The following VCAN variants were observed in gnomAD, a reference collection of about 807,000 sequenced individuals.
The protein encoded by VCAN is versican.
A neutral mutation model predicts 245.5 loss-of-function variants in VCAN; 44 were observed. That is an observed-to-expected ratio of 0.18 (90% confidence interval 0.14 to 0.23). VCAN has a LOEUF of 0.23. VCAN is among the 10% of genes least tolerant of loss of function. VCAN has a pLI of 1.00. For synonymous variants in VCAN, 1,413 were observed against 1,437.0 expected (o/e 0.98, Z 0.38); for missense variants, 3,793 against 4,057.9 (o/e 0.93, Z 1.77).
In VCAN at chr5:83,581,759, C is replaced by T. The variant is rs1361838277; in HGVS notation, c.*1325C>T. On this transcript the variant is annotated 3_prime_UTR_variant, in exon 15 of 15. Transcript: ENST00000265077. ...GTTGACATTTCTCCCCATCTCTTCC[C>T]ACTCTGTTTTCTCCCCATTATTTGA... 1 of 152,120 alleles carries T rather than the reference C, an allele frequency of 6.6e-6. No homozygotes were observed. The highest frequency in any genetic ancestry group is 1.5e-5 in the Non-Finnish European group (1 of 68,020). The allele number at this position is 152,120 out of a possible 1,614,324, so 9.4% of individuals were successfully genotyped here.
chr5:83,514,800 G>GACTT (rs929673229), intron 6 of VCAN, among the ~76,000 whole-genome samples: 3 of 152,062 alleles, frequency 2.0e-5, no homozygotes, highest in Middle Eastern at 3.2e-3. Flanking sequence ...TTTTCAAAAT[G>GACTT]ACTTAATTGA....
intron 7 of VCAN, among the ~76,000 whole-genome samples, chr5:83,534,331 A>G (rs1204318310): frequency 6.6e-6 from 1 of 152,212 alleles, no homozygotes; most frequent in East Asian, 1.9e-4. Flanking sequence ...AATATTAATC[A>G]GATATTTCCT....
chr5:83,550,051 A>G (rs1258750946), intron 10 of VCAN, among the ~76,000 whole-genome samples: 2 of 152,222 alleles, frequency 1.3e-5, no homozygotes, highest in Non-Finnish European at 2.9e-5. Flanking sequence ...TACAGATACA[A>G]AATCTAGAAA....
chr5:83,530,452 T>C (rs1396263295), intron 7 of VCAN, among the ~76,000 whole-genome samples: 2 of 152,078 alleles, frequency 1.3e-5, no homozygotes, highest in African/African-American at 2.4e-5. Flanking sequence ...GTCCAGACAG[T>C]GTTCAGAACT....
intron 12 of VCAN, among the ~76,000 whole-genome samples, 181 bp from the exon 13 acceptor site, chr5:83,572,235 G>C (rs1192173789): frequency 2.0e-5 from 3 of 152,118 alleles, no homozygotes; most frequent in Non-Finnish European, 4.4e-5. Flanking sequence ...AAGACTTTGA[G>C]ACACATATAT....
intron 12 of VCAN, among the ~76,000 whole-genome samples, chr5:83,557,270 G>A (rs1282964336): frequency 6.6e-6 from 1 of 152,082 alleles, no homozygotes; most frequent in East Asian, 1.9e-4. Context: ...TTTGATGTGT[G>A]TGTTTTTATT....
Position 83,471,931 on chromosome 5 carries a change from G to C in VCAN, c.-99G>C, listed in dbSNP as rs1173371577. ...TCCGCATCCTTCCCCGGGCCACCAC[G>C]CTTCCTATGTGACCCGCCTGGGCAA... On this transcript the variant is annotated 5_prime_UTR_variant, in exon 1 of 15. Transcript: ENST00000265077. 5.1e-6 allele frequency: 2 copies of C among 392,956 alleles called. No homozygotes were observed. Among genetic ancestry groups the C allele is most frequent in the Non-Finnish European group, 9.0e-6 (2 of 223,104 alleles). 24.3% of individuals were successfully genotyped at this position (392,956 alleles called of 1,614,324 possible).
At position 83,520,374 on chromosome 5, in the gene VCAN, C is replaced by T; in HGVS notation, c.2068C>T (p.Leu690=). 1.2e-6 allele frequency: 2 copies of T among 1,612,470 alleles called. No homozygotes were observed. Among genetic ancestry groups the T allele is most frequent in the Non-Finnish European group, 1.7e-6 (2 of 1,179,452 alleles). The part of the protein sequence containing the change: ...MTHRRERTET[L]IPEMRTDTYT... ...ACATAGAAGAGAAAGAACAGAAACA[C>T]TAATACCAGAGATGAGAACAGATAC... The change falls in exon 7 of 15, where the codon CTA becomes TTA. Residue 690 remains leucine, a synonymous_variant. Coordinates refer to ENST00000265077, the MANE Select transcript of VCAN (RefSeq NM_004385.5).
intron 12 of VCAN, among the ~76,000 whole-genome samples, chr5:83,558,603 A>G (rs992381377): frequency 5.3e-5 from 8 of 152,290 alleles, no homozygotes; most frequent in Admixed American, 1.3e-4. Flanking sequence ...CATTTTACTC[A>G]AATAATTAAA....
chr5:83,494,540 C>T (rs1478616568), intron 5 of VCAN, among the ~76,000 whole-genome samples: 2 of 152,196 alleles, frequency 1.3e-5, no homozygotes, highest in Admixed American at 6.5e-5. Flanking sequence ...CCTTTCAAGT[C>T]GCTTACAGTC....
chr5:83,542,020 C>A lies in VCAN; in HGVS notation c.9017C>A (p.Ser3006Tyr), dbSNP rs1212054791. The A allele has an allele frequency of 6.2e-7, 1 of 1,610,192 alleles. No homozygotes were observed. Among genetic ancestry groups the A allele is most frequent in the Admixed American group, 1.7e-5 (1 of 59,754 alleles). Residue 3006 changes from serine (S) to tyrosine (Y), a missense_variant, in exon 8 of 15, where the codon TCT becomes TAT. By Grantham distance (144) the Ser-to-Tyr change is moderately radical. Coordinates refer to ENST00000265077, the MANE Select transcript of VCAN (RefSeq NM_004385.5). ...PQTSERPTLSSSPEINPETQA... is the reference protein window; with the variant it reads ...PQTSERPTLSYSPEINPETQA... ...ACTTCTGAGAGGCCCACGCTTTCTT[C>A]TTCTCCAGAAATAAACCCTGAAACT...
chr5:83,534,128 A>G (rs922816211), intron 7 of VCAN: 4 of 151,660 alleles, frequency 2.6e-5, no homozygotes, highest in African/African-American at 9.7e-5. Flanking sequence ...GCTTTTCTCC[A>G]CCCCACTTTT....
At chr5:83,566,784 A>T (rs1748093158) in intron 12 of VCAN, among the ~76,000 whole-genome samples, 1 of 152,224 alleles carries the variant, frequency 6.6e-6, no homozygotes, top group Non-Finnish European at 1.5e-5. Flanking sequence ...CTGCAGGATG[A>T]GTCTTCTCTT....
At chr5:83,494,032 C>A (rs1745075805) in intron 5 of VCAN, 101 bp downstream of exon 5, 1 of 1,583,682 alleles carries the variant, frequency 6.3e-7, no homozygotes, top group Admixed American at 1.7e-5. Context: ...TGTTTGGATT[C>A]CAAACGGTGG....
intron 7 of VCAN, among the ~76,000 whole-genome samples, chr5:83,523,502 G>T (rs1746179144): frequency 6.6e-6 from 1 of 150,886 alleles, no homozygotes; most frequent in Non-Finnish European, 1.5e-5. Flanking sequence ...CCTCATTAGA[G>T]TGCTCAGGAG....
At position 83,537,969 on chromosome 5, in the gene VCAN, G is replaced by A; in HGVS notation, c.4966G>A (p.Val1656Ile). 6.2e-7 allele frequency: 1 copy of A among 1,613,858 alleles called. No individual in the cohort carries two copies. The highest frequency in any genetic ancestry group is 8.5e-7 in the Non-Finnish European group (1 of 1,179,930). ...EEDEDTMFTM[V>I]TDLSQRNTTD... ...AGATGAAGATACAATGTTCACCATGGTAACTGATTTATCACAGAGAAATAC... is the reference window on the plus strand; with the variant it reads ...AGATGAAGATACAATGTTCACCATGATAACTGATTTATCACAGAGAAATAC... The change falls in exon 8 of 15, where the codon GTA (valine) becomes ATA (isoleucine). Residue 1656 changes from valine (V) to isoleucine (I), a missense_variant. Physicochemically the swap from Val to Ile is conservative, Grantham distance 29. Coordinates refer to ENST00000265077, the MANE Select transcript of VCAN (RefSeq NM_004385.5).
intron 12 of VCAN, among the ~76,000 whole-genome samples, chr5:83,562,974 C>G (rs1007556951): frequency 6.6e-6 from 1 of 152,132 alleles, no homozygotes; most frequent in Non-Finnish European, 1.5e-5. Flanking sequence ...TTGTCTTTCC[C>G]GCACAGAGGT....
At chr5:83,579,097 A>T (rs568036489) in intron 13 of VCAN, among the ~76,000 whole-genome samples, 1 of 152,316 alleles carries the variant, frequency 6.6e-6, no homozygotes, top group South Asian at 2.1e-4. Flanking sequence ...AGGCATGAAT[A>T]TTATGGTCTC....
chr5:83,480,592 A>G (rs1744581122), intron 1 of VCAN, among the ~76,000 whole-genome samples: 1 of 152,236 alleles, frequency 6.6e-6, no homozygotes, highest in Non-Finnish European at 1.5e-5. Flanking sequence ...AACATTCCTC[A>G]AGGATATACC....
Sources: allele counts gnomAD v4.1 joint callset (sites outside exome capture counted in the v4.1 genomes callset), GRCh38; gene constraint gnomAD v4.1.1; transcripts MANE v1.5; gene names NCBI Gene and HGNC (gene_info 2026-07-23, HGNC 2026-07-21).